SLC9B1: variants seen among roughly 807,000 people sequenced by gnomAD.
SLC9B1 encodes the protein solute carrier family 9 member B1.
Under a neutral mutation model 51.7 loss-of-function variants are expected in SLC9B1, and 32 were observed. That is an observed-to-expected ratio of 0.62 (90% CI 0.47 to 0.83). The LOEUF (loss-of-function observed/expected upper bound fraction) is 0.83. SLC9B1 is among the 40% of genes least tolerant of loss of function. The pLI is 0.00. For synonymous variants in SLC9B1, 145 were observed against 212.7 expected, an observed-to-expected ratio of 0.68 and a Z score of 2.77; for missense variants, 406 against 613.2, an observed-to-expected ratio of 0.66 and a Z score of 3.57.
At chr4:102,927,381 A>G (rs1261878380) in intron 7 of SLC9B1, among the ~76,000 whole-genome samples, 6 of 152,224 alleles carry the variant, frequency 3.9e-5, no homozygotes, top group Non-Finnish European at 8.8e-5. Context: ...ACAAATTTAC[A>G]AGAAAAAAAC....
chr4:102,961,272 A>G (rs1404846655), intron 3 of SLC9B1, among the ~76,000 whole-genome samples: 1 of 152,282 alleles, frequency 6.6e-6, no homozygotes, highest in Admixed American at 6.5e-5. Flanking sequence ...TAATTTTATG[A>G]AAGTAATAGA....
Position 102,901,306 on chromosome 4 carries a change from T to C in SLC9B1, c.1359A>G (p.Glu453=). 1 of 1,612,056 alleles carries C rather than the reference T, an allele frequency of 6.2e-7. No individual in the cohort carries two copies. The highest frequency in any genetic ancestry group is 8.5e-7 in the Non-Finnish European group (1 of 1,179,824). The stretch of plus-strand genomic sequence containing the variant: ...AGTGGGGTGCGGAGACTCTTGCTGT[T>C]TCTAGAGCCAGAGGACCTAACACAG... ...VQAVLGPLAL[E]TARVSAPHLE... Residue 453 remains glutamate, a synonymous_variant, in exon 12 of 12, where the codon GAA becomes GAG. Coordinates refer to ENST00000296422, the MANE Select transcript of SLC9B1 (RefSeq NM_139173.4).
chr4:102,885,678 G>A (rs1009190770), intron 11 of SLC9B1, among the ~76,000 whole-genome samples: 5 of 152,180 alleles, frequency 3.3e-5, no homozygotes, highest in African/African-American at 9.7e-5. Context: ...AGAGTAACAT[G>A]TATTTTAAAA....
In SLC9B1 at chr4:102,940,734, A is replaced by T. The variant is rs62327302; in HGVS notation, c.653+4459T>A. Among the ~76,000 whole-genome samples, 4 of 152,196 alleles carry T rather than the reference A, an allele frequency of 2.6e-5. No homozygotes were observed. The East Asian group carries it at 7.7e-4, about 29-fold the overall frequency. ...AAAATCTTTACAAACTATGCATCCA[A>T]CAAAGTACTAATATCCAGAATCTAT... On this transcript the variant is annotated intron_variant, in intron 6 of 11. Coordinates refer to ENST00000296422, the MANE Select transcript of SLC9B1 (RefSeq NM_139173.4).
chr4:102,958,372 C>T (rs1048497294), intron 3 of SLC9B1, among the ~76,000 whole-genome samples: 5 of 152,210 alleles, frequency 3.3e-5, no homozygotes, highest in Non-Finnish European at 7.3e-5. Flanking sequence ...GAAGCAGATG[C>T]CTGCATGCTT....
chr4:102,949,194 A>T, intron 4 of SLC9B1, 63 bp downstream of exon 4: 1 of 1,286,790 alleles, frequency 7.8e-7, no homozygotes, highest in Non-Finnish European at 1.1e-6. Flanking sequence ...TAATTCAACA[A>T]GAAAATGTTC....
intron 1 of SLC9B1, among the ~76,000 whole-genome samples, chr4:102,998,311 C>T (rs1208145420): frequency 6.6e-6 from 1 of 152,128 alleles, no homozygotes; most frequent in Non-Finnish European, 1.5e-5. Flanking sequence ...ATCATGCCTT[C>T]AAAATTCATC....
At chr4:102,898,693 A>G (rs1213386368), downstream of SLC9B1, among the ~76,000 whole-genome samples, 1 of 152,208 alleles carries the variant, frequency 6.6e-6, no homozygotes, top group Non-Finnish European at 1.5e-5. Flanking sequence ...GCAAAGATAC[A>G]AAAAGTTGAT....
intron 7 of SLC9B1, among the ~76,000 whole-genome samples, chr4:102,922,831 A>G (rs1735950901): frequency 6.6e-6 from 1 of 152,194 alleles, no homozygotes; most frequent in Admixed American, 6.5e-5. Flanking sequence ...TCTGGGACAC[A>G]TACACCCTTC....
chr4:103,002,816 A>C (rs1335147179), intron 1 of SLC9B1, among the ~76,000 whole-genome samples: 6 of 152,174 alleles, frequency 3.9e-5, no homozygotes, highest in Admixed American at 6.5e-5. Flanking sequence ...AAACTGTATT[A>C]TATTCTCAAC....
intron 7 of SLC9B1, among the ~76,000 whole-genome samples, chr4:102,925,659 A>G (rs1215469015): frequency 1.3e-5 from 2 of 151,534 alleles, no homozygotes; most frequent in Non-Finnish European, 2.9e-5. Flanking sequence ...AAATATCAAC[A>G]TTGAAAACAT....
intron 9 of SLC9B1, 70 bp from the exon 10 acceptor site, chr4:102,906,714 C>A: frequency 3.7e-6 from 3 of 803,342 alleles, no homozygotes; most frequent in Non-Finnish European, 5.3e-6. Context: ...TAAAGTCTTC[C>A]CCCCCCTTTT....
At chr4:102,893,102 G>A (rs1734332291) in intron 11 of SLC9B1, among the ~76,000 whole-genome samples, 1 of 151,826 alleles carries the variant, frequency 6.6e-6, no homozygotes, top group African/African-American at 2.4e-5. Flanking sequence ...GGCCAACATC[G>A]TGAAAACTCG....
At chr4:103,006,925 C>T (rs1285331429) in intron 1 of SLC9B1, among the ~76,000 whole-genome samples, 1 of 152,158 alleles carries the variant, frequency 6.6e-6, no homozygotes, top group Non-Finnish European at 1.5e-5. Context: ...TAATAAAATT[C>T]AGCATAACTT....
chr4:102,984,594 G>A (rs938803875), intron 3 of SLC9B1, among the ~76,000 whole-genome samples: 2 of 152,114 alleles, frequency 1.3e-5, no homozygotes, highest in Non-Finnish European at 2.9e-5. Flanking sequence ...ATTAAGGTAT[G>A]TTTTATGGCT....
intron 6 of SLC9B1, among the ~76,000 whole-genome samples, chr4:102,943,502 TGTATACAC>T (rs1360950649): frequency 2.0e-5 from 1 of 50,692 alleles, no homozygotes; most frequent in African/African-American, 1.3e-4. Flanking sequence ...TATATGTGTA[TGTATACAC>T]ACACACACAC....
At chr4:102,932,885 G>A (rs1408060441) in intron 6 of SLC9B1, among the ~76,000 whole-genome samples, 1 of 152,112 alleles carries the variant, frequency 6.6e-6, no homozygotes, top group African/African-American at 2.4e-5. Flanking sequence ...AAATAAGTAA[G>A]TAAGGAAGGA....
intron 1 of SLC9B1, among the ~76,000 whole-genome samples, chr4:103,009,661 A>C (rs1023409337): frequency 1.3e-5 from 2 of 152,214 alleles, no homozygotes; most frequent in African/African-American, 4.8e-5. Flanking sequence ...CATTGCTGAC[A>C]TGTAGTAGGC....
chr4:102,943,378 G>A (rs543153212), intron 6 of SLC9B1, among the ~76,000 whole-genome samples: 12 of 152,178 alleles, frequency 7.9e-5, no homozygotes, highest in Middle Eastern at 3.4e-3. Context: ...ACTTGCACAC[G>A]CATGTTTATT....
Sources: allele counts gnomAD v4.1 joint callset (sites outside exome capture counted in the v4.1 genomes callset), GRCh38; gene constraint gnomAD v4.1.1; transcripts MANE v1.5; gene names NCBI Gene and HGNC (gene_info 2026-07-23, HGNC 2026-07-21).